Variants in TTC19 observed in about 807,000 individuals in gnomAD.
TTC19 encodes the protein tetratricopeptide repeat domain 19.
A neutral mutation model predicts 49.5 loss-of-function variants in TTC19; 38 were observed. The observed-to-expected ratio is 0.77, with a 90% CI of 0.59 to 1.01. TTC19 has a LOEUF of 1.01. TTC19 is among the 50% of genes least tolerant of loss of function. The pLI is 0.00. For missense variants in TTC19, 475 were observed against 477.7 expected (o/e 0.99, Z 0.05); for synonymous variants, 204 against 185.2 (o/e 1.10, Z -0.83).
chr17:16,028,846 A>AAAAAAAAAAATT lies in TTC19; in HGVS notation c.*1324_*1325insAAAAAAAAAATT. 1 of 354,030 alleles carries AAAAAAAAAAATT rather than the reference A, an allele frequency of 2.8e-6. No homozygotes were observed. Among genetic ancestry groups the AAAAAAAAAAATT allele is most frequent in the Non-Finnish European group, 5.4e-6 (1 of 186,008 alleles). 21.9% of individuals were successfully genotyped at this position (354,030 alleles called of 1,614,324 possible). On this transcript the variant is annotated 3_prime_UTR_variant, in exon 10 of 10. Transcript: ENST00000261647. Reference sequence around the variant, plus strand: ...AAAAAAAAAAAAAAAAAAAAAAAAAACTTTCTGAAGAAAATAAAAACACCA... The same window carrying AAAAAAAAAAATT: ...AAAAAAAAAAAAAAAAAAAAAAAAAAAAAAAAAAAATTCTTTCTGAAGAAAATAAAAACACCA...
intron 7 of TTC19, among the ~76,000 whole-genome samples, chr17:16,014,654 T>G (rs1319588532): frequency 6.6e-6 from 1 of 152,234 alleles, no homozygotes; most frequent in East Asian, 1.9e-4. Flanking sequence ...GCATTTGGAT[T>G]TGGGTTTTTG....
chr17:16,039,516 C>A (rs958657707), intron 2 of TTC19: 5 of 1,614,116 alleles, frequency 3.1e-6, no homozygotes, highest in Non-Finnish European at 4.2e-6. Context: ...AGGCACTACT[C>A]CCATAGGCTG....
intron 7 of TTC19, among the ~76,000 whole-genome samples, chr17:16,009,113 A>T (rs1426131488): frequency 6.6e-6 from 1 of 152,186 alleles, no homozygotes; most frequent in Non-Finnish European, 1.5e-5. Context: ...AGACCCAAGA[A>T]AGACCAGCAA....
At position 16,017,930 on chromosome 17, in the gene TTC19, T is replaced by A. The variant is rs1971263738; in HGVS notation, c.677-7087T>A. Among the ~76,000 whole-genome samples, 2 of 152,224 alleles carry A rather than the reference T, an allele frequency of 1.3e-5. 1 individual carries two copies. The highest frequency in any genetic ancestry group is 4.1e-4 in the South Asian group (2 of 4,834). On this transcript the variant is annotated intron_variant, in intron 7 of 9. Transcript: ENST00000261647. ...TTTGTAGGGAAGGTATATGTATATATGATTTTCAGTTGTATAAGGAGTAAC... is the reference window on the plus strand; with the variant it reads ...TTTGTAGGGAAGGTATATGTATATAAGATTTTCAGTTGTATAAGGAGTAAC...
intron 7 of TTC19, among the ~76,000 whole-genome samples, chr17:16,007,424 T>A (rs986142010): frequency 6.7e-6 from 1 of 149,314 alleles, no homozygotes; most frequent in Non-Finnish European, 1.5e-5. Context: ...GTAGATCTTA[T>A]CAACCTCAGC....
intron 6 of TTC19, among the ~76,000 whole-genome samples, chr17:16,005,796 G>A (rs1970889237): frequency 6.6e-6 from 1 of 152,142 alleles, no homozygotes; most frequent in South Asian, 2.1e-4. Flanking sequence ...CTCACTGTAG[G>A]GCGGCCTGAA....
chr17:16,036,481 T>G (rs1480987514), intron 2 of TTC19, among the ~76,000 whole-genome samples: 1 of 152,202 alleles, frequency 6.6e-6, no homozygotes, highest in Non-Finnish European at 1.5e-5. Context: ...AGCCTGTCTT[T>G]TGAAGTTTTG....
chr17:16,009,748 T>G (rs1320308152), intron 7 of TTC19, among the ~76,000 whole-genome samples: 1 of 152,176 alleles, frequency 6.6e-6, no homozygotes, highest in Non-Finnish European at 1.5e-5. Context: ...TTACATAAAA[T>G]TACATTACTT....
At chr17:16,042,686 G>C (rs554375794) in intron 2 of TTC19, among the ~76,000 whole-genome samples, 2 of 152,346 alleles carry the variant, frequency 1.3e-5, no homozygotes, top group African/African-American at 4.8e-5. Context: ...AGGAGGAGCT[G>C]ACTCCCATCA....
At chr17:16,001,390 C>G (rs537215944) in intron 2 of TTC19, among the ~76,000 whole-genome samples, 4 of 152,132 alleles carry the variant, frequency 2.6e-5, no homozygotes, top group Non-Finnish European at 5.9e-5. Context: ...AGGGACTTCA[C>G]TCATTCTCTA....
chr17:16,022,917 A>T (rs1422694922), intron 7 of TTC19, among the ~76,000 whole-genome samples: 1 of 152,216 alleles, frequency 6.6e-6, no homozygotes. Flanking sequence ...TGGTCCTTTA[A>T]GGGCTCTGTA....
chr17:16,000,517 GA>G (rs1368352413), intron 2 of TTC19: 1 of 904,668 alleles, frequency 1.1e-6, no homozygotes, highest in African/African-American at 1.7e-5. Flanking sequence ...GAAATATCGG[GA>G]ACGTTTTGTA....
Position 16,025,020 on chromosome 17 carries a change from A to G in TTC19, c.680A>G (p.Glu227Gly). 2 of 1,613,852 alleles carry G rather than the reference A, an allele frequency of 1.2e-6. No homozygotes were observed. Among genetic ancestry groups the G allele is most frequent in the Non-Finnish European group, 8.5e-7 (1 of 1,179,830 alleles). Residue 227 changes from glutamate (E) to glycine (G), a missense_variant, in exon 8 of 10, where the codon GAA becomes GGA. Coordinates refer to ENST00000261647, the MANE Select transcript of TTC19 (RefSeq NM_017775.4). The stretch of plus-strand genomic sequence containing the variant: ...CTGATTCCTCTTTTCTCCTTAGTGG[A>G]AGAGAAAGCCAATACCCACCTCCTC... Reference protein sequence around the residue: ...KELAEDIMSVEEKANTHLLLG... With the variant: ...KELAEDIMSVGEKANTHLLLG...
At chr17:16,024,175 G>T (rs1370156378) in intron 7 of TTC19, 1 of 151,756 alleles carries the variant, frequency 6.6e-6, no homozygotes, top group Non-Finnish European at 1.5e-5. Flanking sequence ...TTTTAAGCTT[G>T]TTTTTTTTCA....
intron 6 of TTC19, 28 bp downstream of exon 6, chr17:16,004,290 T>C (rs1970828758): frequency 6.2e-7 from 1 of 1,606,306 alleles, no homozygotes; most frequent in African/African-American, 1.3e-5. Flanking sequence ...GGAGTAGGAC[T>C]GTGGGCAGGA....
Position 16,026,653 on chromosome 17 carries a change from T to G in TTC19, c.945T>G (p.Pro315=). ...ATCTGGCAAGACAGATAAATCATCC[T>G]GAGCTACACATGGTACTCAGTAATC... ...ASDLARQINH[P]ELHMVLSNLA... The change falls in exon 9 of 10, where the codon CCT becomes CCG. Residue 315 remains proline, a synonymous_variant. Transcript: ENST00000261647. 2 of 1,614,184 alleles carry G rather than the reference T, an allele frequency of 1.2e-6. No individual in the cohort carries two copies. The highest frequency in any genetic ancestry group is 1.7e-6 in the Non-Finnish European group (2 of 1,180,000).
chr17:16,012,189 A>G (rs1004339121), intron 7 of TTC19, among the ~76,000 whole-genome samples: 2 of 152,168 alleles, frequency 1.3e-5, no homozygotes, highest in African/African-American at 4.8e-5. Context: ...ACATTTGTAT[A>G]AAGAATTTAT....
Position 16,027,391 on chromosome 17 carries a change from A to G in TTC19, c.1012A>G (p.Lys338Glu), listed in dbSNP as rs779384602. 3.7e-6 allele frequency: 6 copies of G among 1,614,100 alleles called. No individual in the cohort carries two copies. The Admixed American group carries it at 1.0e-4, about 27-fold the overall frequency. Residue 338 changes from lysine (K) to glutamate (E), a missense_variant, in exon 10 of 10, where the codon AAA becomes GAA. Lys to Glu is a moderately conservative substitution (Grantham distance 56). Transcript: ENST00000261647. ...TATTTTAGAACGATATACACAAGCA[A>G]AAGAGATCTACCAGGAAGCACTGAA... Reference protein sequence around the residue: ...LMHRERYTQAKEIYQEALKQA... With the variant: ...LMHRERYTQAEEIYQEALKQA...
chr17:16,017,653 C>T (rs757362369), intron 7 of TTC19, among the ~76,000 whole-genome samples: 8 of 151,574 alleles, frequency 5.3e-5, no homozygotes, highest in East Asian at 1.9e-4. Context: ...CTCAGCTACT[C>T]GGGAGGCTGA....
Sources: gnomAD v4.1 joint callset for allele counts (sites outside exome capture counted in the v4.1 genomes callset) on GRCh38, gnomAD v4.1.1 for gene constraint, MANE v1.5 for transcripts, NCBI Gene and HGNC (gene_info 2026-07-23, HGNC 2026-07-21) for gene names.